ASPRV1: variants seen among roughly 807,000 people sequenced by gnomAD.
ASPRV1 encodes the protein aspartic peptidase retroviral like 1.
ASPRV1 carries 7 observed loss-of-function variants against 11.0 expected under a neutral mutation model. The observed-to-expected ratio is 0.64, with a 90% CI of 0.36 to 1.20. ASPRV1 has a LOEUF of 1.20. Among genes scored for constraint, ASPRV1 ranks in the 50% most tolerant of loss-of-function variants. The probability of loss-of-function intolerance (pLI) is 0.02; values close to 1 mark genes in which losing one functional copy is unlikely to be tolerated. For synonymous variants in ASPRV1, 136 were observed against 138.4 expected (o/e 0.98, Z 0.12); for missense variants, 299 against 320.0 (o/e 0.93, Z 0.50).
the ASPRV1 span, among the ~76,000 whole-genome samples, chr2:69,974,334 T>C: frequency 3.1e-5 from 4 of 130,012 alleles, no homozygotes; most frequent in East Asian, 2.2e-4. Context: ...TGAAACTCCA[T>C]CTCAAAAAAA....
the ASPRV1 span, among the ~76,000 whole-genome samples, chr2:70,079,353 T>C: frequency 6.6e-6 from 1 of 151,978 alleles, no homozygotes; most frequent in Non-Finnish European, 1.5e-5. Context: ...GGTGGGTACC[T>C]GTAGTACTAG....
upstream of ASPRV1, chr2:69,962,284 A>G (rs1205296284): frequency 3.6e-5 from 6 of 166,332 alleles, no homozygotes; most frequent in Admixed American, 3.9e-4. Flanking sequence ...TCCTTCATTG[A>G]TCACCCCTGA....
the ASPRV1 span, among the ~76,000 whole-genome samples, chr2:70,076,100 TC>T: frequency 0.15 from 22,867 of 152,032 alleles, 2,694 homozygotes; most frequent in East Asian, 0.3. Flanking sequence ...AAGAATCAAT[TC>T]AGAGAATAAT....
At chr2:69,980,330 A>T in the ASPRV1 span, among the ~76,000 whole-genome samples, 2 of 152,368 alleles carry the variant, frequency 1.3e-5, no homozygotes, top group African/African-American at 4.8e-5. Context: ...ACTCATTAGC[A>T]ATGAATTAAT....
chr2:69,949,433 T>C, the ASPRV1 span, among the ~76,000 whole-genome samples: 2 of 152,156 alleles, frequency 1.3e-5, no homozygotes, highest in Non-Finnish European at 2.9e-5. Flanking sequence ...TACTAATCAC[T>C]GGCCTTGATC....
upstream of ASPRV1, chr2:69,961,791 A>T (rs1678129210): frequency 7.7e-7 from 1 of 1,303,986 alleles, no homozygotes. Flanking sequence ...CCATCCTTGG[A>T]CCAACACCAG....
At chr2:70,026,188 G>A in the ASPRV1 span, among the ~76,000 whole-genome samples, 844 of 152,174 alleles carry the variant, frequency 5.5e-3, 7 homozygotes, top group Middle Eastern at 0.02. Flanking sequence ...TCATGATGGC[G>A]CACGCCTGTA....
the ASPRV1 span, among the ~76,000 whole-genome samples, chr2:70,033,843 A>G: frequency 6.6e-6 from 1 of 152,178 alleles, no homozygotes; most frequent in Non-Finnish European, 1.5e-5. Context: ...GTCTTCTGAC[A>G]CTGAGAATGT....
the ASPRV1 span, among the ~76,000 whole-genome samples, chr2:69,948,995 A>G: frequency 1.3e-5 from 2 of 152,078 alleles, no homozygotes; most frequent in Admixed American, 1.3e-4. Flanking sequence ...CTCAGGTCTC[A>G]GTGCAAACGT....
At chr2:69,991,630 C>T in the ASPRV1 span, among the ~76,000 whole-genome samples, 1 of 152,110 alleles carries the variant, frequency 6.6e-6, no homozygotes, top group Non-Finnish European at 1.5e-5. Context: ...TCACCACAAT[C>T]TTCGCCTCCC....
chr2:69,938,295 A>C, the ASPRV1 span: 1 of 1,612,894 alleles, frequency 6.2e-7, no homozygotes, highest in Non-Finnish European at 8.5e-7. Context: ...GAGAGTGGGC[A>C]CTGCGGCTGT....
chr2:70,004,528 C>CAAAA, the ASPRV1 span, among the ~76,000 whole-genome samples: 44 of 54,292 alleles, frequency 8.1e-4, no homozygotes, highest in Middle Eastern at 8.5e-3. Context: ...AACTCCATCT[C>CAAAA]AAAAAAAAAA....
the ASPRV1 span, among the ~76,000 whole-genome samples, chr2:69,987,774 G>A: frequency 1.3e-5 from 2 of 152,036 alleles, no homozygotes; most frequent in Non-Finnish European, 2.9e-5. Context: ...ACAAATAAAG[G>A]ATGGTTGTCT....
the ASPRV1 span, among the ~76,000 whole-genome samples, chr2:69,972,732 G>A: frequency 6.6e-6 from 1 of 151,958 alleles, no homozygotes; most frequent in Non-Finnish European, 1.5e-5. Context: ...CCTTTTCTTG[G>A]CCCCACACTG....
chr2:70,024,781 T>A, the ASPRV1 span, among the ~76,000 whole-genome samples: 1 of 152,050 alleles, frequency 6.6e-6, no homozygotes, highest in Non-Finnish European at 1.5e-5. Context: ...TCCTGAAACT[T>A]CCAGACAGAG....
the ASPRV1 span, among the ~76,000 whole-genome samples, chr2:70,078,673 T>C: frequency 6.6e-5 from 10 of 152,230 alleles, no homozygotes; most frequent in Middle Eastern, 3.4e-3. Flanking sequence ...GGGGAAGTGG[T>C]AGGAAATGAA....
the ASPRV1 span, among the ~76,000 whole-genome samples, chr2:69,975,062 G>C: frequency 2.0e-5 from 3 of 152,318 alleles, no homozygotes; most frequent in East Asian, 3.9e-4. Flanking sequence ...TATTCCTCTG[G>C]GATTGCTCCA....
At chr2:70,018,181 T>A in the ASPRV1 span, 2 of 150,604 alleles carry the variant, frequency 1.3e-5, no homozygotes, top group Admixed American at 6.6e-5. Flanking sequence ...ATAAAATAAA[T>A]GAATAAAAAA....
Position 69,961,130 on chromosome 2 carries a change from C to T in ASPRV1, c.307G>A (p.Val103Ile), listed in dbSNP as rs371446435. ...CCCTTACCCATGCTGTTGGCAAAGA[C>T]GATCTCTTTGGGCAGGTGGCTGGGG... ...AAPSHLPKEI[V>I]FANSMGKGYY... Residue 103 changes from valine to isoleucine, a missense_variant, in exon 1 of 1, where the codon GTC becomes ATC. Val to Ile is a conservative substitution (Grantham distance 29). Coordinates refer to ENST00000320256, the MANE Select transcript of ASPRV1 (RefSeq NM_152792.4). The T allele has an allele frequency of 1.8e-4, 291 of 1,613,784 alleles. No individual in the cohort carries two copies. In the East Asian group the frequency reaches 2.3e-3, roughly 13 times the overall value.
Sources: allele counts gnomAD v4.1 joint callset (sites outside exome capture counted in the v4.1 genomes callset), GRCh38; gene constraint gnomAD v4.1.1; transcripts MANE v1.5; gene names NCBI Gene and HGNC (gene_info 2026-07-23, HGNC 2026-07-21).